Variants in FLRT2 observed in about 807,000 individuals in gnomAD.
FLRT2 encodes the protein leucine-rich repeat transmembrane protein FLRT2.
Under a neutral mutation model 40.0 loss-of-function variants are expected in FLRT2, and 15 were observed. That is an observed-to-expected ratio of 0.38 (90% confidence interval 0.25 to 0.58). The LOEUF is 0.58. Ranked by LOEUF, FLRT2 falls within the 20% of genes least tolerant of loss-of-function variation. The pLI, the probability that FLRT2 is intolerant of heterozygous loss-of-function variation, is 0.71. For missense variants in FLRT2, 726 were observed against 840.0 expected (o/e 0.86, Z 1.68); for synonymous variants, 380 against 336.8 (o/e 1.13, Z -1.41).
At chr14:85,595,356 ATTTAC>A (rs1158927417) in intron 1 of FLRT2, among the ~76,000 whole-genome samples, 1 of 151,984 alleles carries the variant, frequency 6.6e-6, no homozygotes, top group Admixed American at 6.6e-5. Context: ...AAGCAAATGA[ATTTAC>A]TTAACTTTAG....
intron 1 of FLRT2, among the ~76,000 whole-genome samples, chr14:85,620,202 C>T (rs1018194023): frequency 7.9e-5 from 12 of 152,118 alleles, no homozygotes; most frequent in African/African-American, 2.9e-4. Context: ...CTTCTGTTCA[C>T]TACGTTTATA....
At chr14:85,581,656 C>T (rs1168084999) in intron 1 of FLRT2, among the ~76,000 whole-genome samples, 1 of 152,150 alleles carries the variant, frequency 6.6e-6, no homozygotes, top group African/African-American at 2.4e-5. Flanking sequence ...ACATTATATA[C>T]ATTCTTACAA....
At position 85,652,036 on chromosome 14, in the gene FLRT2, G is replaced by T. The variant is rs534319590; in HGVS notation, c.*28539G>T. On this transcript the variant is annotated 3_prime_UTR_variant, in exon 2 of 2. Transcript: ENST00000330753. ...CTCAAAACAACACTAGGAAAATAGC[G>T]TAGATCAGATAATTCTCATTAAATC... 1 of 151,890 alleles carries T rather than the reference G, an allele frequency of 6.6e-6. No homozygotes were observed. Among genetic ancestry groups the T allele is most frequent in the Admixed American group, 6.6e-5 (1 of 15,224 alleles). 9.4% of individuals were successfully genotyped at this position (151,890 alleles called of 1,614,324 possible). A position where few individuals can be genotyped will look rare whatever the true frequency, so the allele number is the denominator to read the frequency against.
chr14:85,622,950 G>A lies in FLRT2; in HGVS notation c.1436G>A (p.Ser479Asn), dbSNP rs1226200364. 3.1e-6 allele frequency: 5 copies of A among 1,614,074 alleles called. No homozygotes were observed. The highest frequency in any genetic ancestry group is 1.3e-5 in the African/African-American group (1 of 74,940). ...RIVSGEKQHL[S>N]LVNLEPRSTY... ...GTCAGCGGTGAGAAGCAACACCTGA[G>A]CCTGGTTAACTTAGAGCCCCGATCC... The change falls in exon 2 of 2, where the codon AGC (serine) becomes AAC (asparagine). Residue 479 changes from serine to asparagine, a missense_variant. Around this residue, in one of 3 missense-constraint regions of FLRT2, gnomAD observed 611 missense variants for 690.0 expected, o/e 0.89. Coordinates refer to ENST00000330753, the MANE Select transcript of FLRT2 (RefSeq NM_013231.6).
At chr14:85,608,242 T>C (rs184451985) in intron 1 of FLRT2, among the ~76,000 whole-genome samples, 107 of 151,870 alleles carry the variant, frequency 7.0e-4, no homozygotes, top group African/African-American at 2.6e-3. Context: ...TTTTTTTTTC[T>C]TTTTTGAGAC....
At chr14:85,543,612 C>T (rs1889106239) in intron 1 of FLRT2, among the ~76,000 whole-genome samples, 1 of 152,036 alleles carries the variant, frequency 6.6e-6, no homozygotes, top group African/African-American at 2.4e-5. Context: ...GTTATCATGC[C>T]ACGCAAGATC....
chr14:85,544,975 T>A (rs1225958742), intron 1 of FLRT2, among the ~76,000 whole-genome samples: 1 of 152,134 alleles, frequency 6.6e-6, no homozygotes, highest in Non-Finnish European at 1.5e-5. Context: ...TTTGGTTTCA[T>A]CTGGGCTGTC....
chr14:85,567,751 C>T (rs1416949307), intron 1 of FLRT2, among the ~76,000 whole-genome samples: 2 of 150,204 alleles, frequency 1.3e-5, no homozygotes, highest in Admixed American at 1.3e-4. Flanking sequence ...AGTGATTCTT[C>T]CGCCTCAGCC....
In FLRT2 at chr14:85,621,775, A is replaced by G. The variant is rs201103211; in HGVS notation, c.261A>G (p.Val87=). Reference sequence around the variant, plus strand: ...GATTTCCTGCAGAACTGCACAATGTACAGTCGGTGCACACGGTCTACCTGT... The same window carrying G: ...GATTTCCTGCAGAACTGCACAATGTGCAGTCGGTGCACACGGTCTACCTGT... The part of the protein sequence containing the change: ...NAGFPAELHN[V]QSVHTVYLYG... Residue 87 remains valine (V), a synonymous_variant, in exon 2 of 2, where the codon GTA becomes GTG. Transcript: ENST00000330753. 33 of 1,614,208 alleles carry G rather than the reference A, an allele frequency of 2.0e-5. No homozygotes were observed. In the East Asian group the frequency reaches 7.1e-4, roughly 35 times the overall value.
chr14:85,555,901 T>C (rs1428293833), intron 1 of FLRT2, among the ~76,000 whole-genome samples: 1 of 151,876 alleles, frequency 6.6e-6, no homozygotes, highest in African/African-American at 2.4e-5. Context: ...AGAAGAAAAT[T>C]GGAAGAAAGC....
Position 85,653,288 on chromosome 14 carries a change from G to A in FLRT2, c.*29791G>A, listed in dbSNP as rs1406490791. The A allele has an allele frequency of 6.6e-6, 1 of 152,062 alleles. No individual in the cohort carries two copies. The highest frequency in any genetic ancestry group is 1.5e-5 in the Non-Finnish European group (1 of 68,030). The allele number at this position is 152,062 out of a possible 1,614,324, so 9.4% of individuals were successfully genotyped here. On this transcript the variant is annotated 3_prime_UTR_variant, in exon 2 of 2. Transcript: ENST00000330753. ...TTTGCTAGGGAACAGATGTAACTTG[G>A]AGAAGTACCAATTTTGTCATTCTAG...
In FLRT2 at chr14:85,588,546, G is replaced by A. The variant is rs988134040; in HGVS notation, c.-376-32593G>A. ...ACATAAGATGTTTTGATACAGGCAT[G>A]CAATGTGAAATAACCACATCATGAG... On this transcript the variant is annotated intron_variant, in intron 1 of 1. Coordinates refer to ENST00000330753, the MANE Select transcript of FLRT2 (RefSeq NM_013231.6). Among the ~76,000 whole-genome samples the A allele has an allele frequency of 3.0e-4, 46 of 151,656 alleles. 1 individual carries two copies. The highest frequency in any genetic ancestry group is 1.3e-4 in the Non-Finnish European group (9 of 67,966).
Position 85,621,457 on chromosome 14 carries a change from A to ATT in FLRT2, c.-49_-48dup. 16 of 1,369,576 alleles carry ATT rather than the reference A, an allele frequency of 1.2e-5. No homozygotes were observed. Among genetic ancestry groups the ATT allele is most frequent in the South Asian group, 7.2e-5 (5 of 69,928 alleles). The allele number at this position is 1,369,576 out of a possible 1,614,324, so 84.8% of individuals were successfully genotyped here. A position where few individuals can be genotyped will look rare whatever the true frequency, so the allele number is the denominator to read the frequency against. On this transcript the variant is annotated 5_prime_UTR_variant, in exon 2 of 2. Coordinates refer to ENST00000330753, the MANE Select transcript of FLRT2 (RefSeq NM_013231.6). ...TCCAGTCATTTTGATTTTGCTGTTT[A>ATT]TTTTTTTTTTCTTTTTCTTTTTCCC...
chr14:85,623,114 T>A lies in FLRT2; in HGVS notation c.1600T>A (p.Ser534Thr), dbSNP rs749086413. ...NTASSHEQTT[S>T]HSMGSPFLLA... is the part of the protein sequence containing the mutation. The stretch of plus-strand genomic sequence containing the variant: ...AGCGTCCAGCCATGAGCAGACGACG[T>A]CCCACAGCATGGGCTCCCCCTTTCT... The change falls in exon 2 of 2, where the codon TCC (serine) becomes ACC (threonine). Residue 534 changes from serine to threonine, a missense_variant. By Grantham distance (58) the Ser-to-Thr change is moderately conservative (BLOSUM62 1). Around this residue, in one of 3 missense-constraint regions of FLRT2, gnomAD observed 611 missense variants for 690.0 expected, o/e 0.89. Coordinates refer to ENST00000330753, the MANE Select transcript of FLRT2 (RefSeq NM_013231.6). 21 of 1,611,350 alleles carry A rather than the reference T, an allele frequency of 1.3e-5. No individual in the cohort carries two copies. Among genetic ancestry groups the A allele is most frequent in the Non-Finnish European group, 1.8e-5 (21 of 1,178,314 alleles).
intron 1 of FLRT2, among the ~76,000 whole-genome samples, chr14:85,598,142 G>A (rs1350222282): frequency 2.6e-5 from 4 of 152,136 alleles, no homozygotes; most frequent in African/African-American, 4.8e-5. Flanking sequence ...CATTTATTGA[G>A]CACTTACTCT....
At chr14:85,534,043 C>G (rs749287554) in intron 1 of FLRT2, among the ~76,000 whole-genome samples, 8 of 151,594 alleles carry the variant, frequency 5.3e-5, no homozygotes, top group Admixed American at 2.6e-4. Flanking sequence ...GCTGCGCTCC[C>G]GCTTCCTCCC....
At chr14:85,538,170 A>G (rs953310888) in intron 1 of FLRT2, among the ~76,000 whole-genome samples, 11 of 152,186 alleles carry the variant, frequency 7.2e-5, no homozygotes, top group African/African-American at 2.7e-4. Context: ...TGTTCCTGCA[A>G]AAGTGTGCAG....
chr14:85,648,369 G>C lies in FLRT2; in HGVS notation c.*24872G>C, dbSNP rs1475627372. On this transcript the variant is annotated 3_prime_UTR_variant, in exon 2 of 2. Coordinates refer to ENST00000330753, the MANE Select transcript of FLRT2 (RefSeq NM_013231.6). ...TTCCCAGAGTCCCTTGTTGCTAGGG[G>C]GCTGAATGCGAACGAGGTTTCACCA... is the stretch of plus-strand genomic sequence containing the variant. 1 of 152,110 alleles carries C rather than the reference G, an allele frequency of 6.6e-6. No individual in the cohort carries two copies. The highest frequency in any genetic ancestry group is 2.4e-5 in the African/African-American group (1 of 41,430). The allele number at this position is 152,110 out of a possible 1,614,324, so 9.4% of individuals were successfully genotyped here.
rs917025966 is a variant in FLRT2, at chr14:85,621,399, C to G, written c.-116C>G. Reference sequence around the variant, plus strand: ...ACCATACGCCCTCAGGACGTTCCCTCTAGCTGGAGTTCTGGACTTCAACAG... The same window carrying G: ...ACCATACGCCCTCAGGACGTTCCCTGTAGCTGGAGTTCTGGACTTCAACAG... On this transcript the variant is annotated 5_prime_UTR_variant, in exon 2 of 2. Transcript: ENST00000330753. 4.3e-6 allele frequency: 4 copies of G among 922,676 alleles called. No individual in the cohort carries two copies. The highest frequency in any genetic ancestry group is 1.8e-5 in the South Asian group (1 of 56,470). 57.2% of individuals were successfully genotyped at this position (922,676 alleles called of 1,614,324 possible).
Sources: gnomAD v4.1 joint callset for allele counts (sites outside exome capture counted in the v4.1 genomes callset) on GRCh38, gnomAD v4.1.1 for gene constraint, gnomAD v4.1.1 regional missense constraint, MANE v1.5 for transcripts, NCBI Gene and HGNC (gene_info 2026-07-23, HGNC 2026-07-21) for gene names.